SLC29A4: variants seen among roughly 807,000 people sequenced by gnomAD.
SLC29A4 encodes the protein solute carrier family 29 member 4.
SLC29A4 carries 36 observed loss-of-function variants against 43.9 expected under a neutral mutation model. The observed-to-expected ratio is 0.82, with a 90% CI of 0.63 to 1.08. The LOEUF (loss-of-function observed/expected upper bound fraction) is 1.08. SLC29A4 is among the 50% of genes least tolerant of loss of function. The pLI, the probability that SLC29A4 is intolerant of heterozygous loss-of-function variation, is 0.00. For synonymous variants in SLC29A4, 491 were observed against 338.0 expected, an observed-to-expected ratio of 1.45 and a Z score of -4.97; for missense variants, 869 against 755.3, an observed-to-expected ratio of 1.15 and a Z score of -1.77.
intron 1 of SLC29A4, among the ~76,000 whole-genome samples, chr7:5,286,160 T>C (rs1203249317): frequency 1.3e-5 from 2 of 152,180 alleles, no homozygotes; most frequent in South Asian, 4.1e-4. Flanking sequence ...CTGTCCTCTC[T>C]GTTAGCCTCA....
intron 1 of SLC29A4, among the ~76,000 whole-genome samples, chr7:5,285,268 C>T (rs138793960): frequency 0.014 from 2,119 of 152,152 alleles, 24 homozygotes; most frequent in South Asian, 0.026. Context: ...CCACCCCACC[C>T]CACCCCCAAC....
intron 2 of SLC29A4, 94 bp from the exon 3 acceptor site, chr7:5,290,638 G>A (rs1785243110): frequency 2.0e-6 from 3 of 1,497,394 alleles, no homozygotes; most frequent in East Asian, 2.3e-5. Context: ...CAGTGGCTAT[G>A]GTGATGGCGG....
Position 5,303,141 on chromosome 7 carries a change from G to C in SLC29A4, c.*202G>C. 3.1e-6 allele frequency: 2 copies of C among 637,994 alleles called. No homozygotes were observed. Among genetic ancestry groups the C allele is most frequent in the Non-Finnish European group, 5.4e-6 (2 of 372,846 alleles). 39.5% of individuals were successfully genotyped at this position (637,994 alleles called of 1,614,324 possible). A position where few individuals can be genotyped will look rare whatever the true frequency, so the allele number is the denominator to read the frequency against. On this transcript the variant is annotated 3_prime_UTR_variant, in exon 11 of 11. Coordinates refer to ENST00000396872, the MANE Select transcript of SLC29A4 (RefSeq NM_153247.4). ...CCTCCGAGGACCGGAACACGTTTCT[G>C]CGACCCGGGGCTCTGGCCAGCACTG... is the stretch of plus-strand genomic sequence containing the variant.
chr7:5,290,710 C>G, intron 2 of SLC29A4, 22 bp from the exon 3 acceptor site: 1 of 1,597,764 alleles, frequency 6.3e-7, no homozygotes, highest in South Asian at 1.1e-5. Context: ...TGCCCCGTCT[C>G]ACCTGGTGTC....
chr7:5,294,011 C>T (rs1374600814), intron 5 of SLC29A4, among the ~76,000 whole-genome samples: 1 of 151,748 alleles, frequency 6.6e-6, no homozygotes, highest in Non-Finnish European at 1.5e-5. Flanking sequence ...GAGGCTGAGG[C>T]AGGAGAATCA....
At chr7:5,284,474 C>T (rs2128085593) in intron 1 of SLC29A4, among the ~76,000 whole-genome samples, 1 of 152,360 alleles carries the variant, frequency 6.6e-6, no homozygotes, top group Middle Eastern at 3.4e-3. Flanking sequence ...TGTGTCTTCT[C>T]AAGGGCCCCC....
In SLC29A4 at chr7:5,297,101, C is replaced by T. The variant is rs529765291; in HGVS notation, c.785C>T (p.Thr262Ile). The T allele has an allele frequency of 3.1e-6, 5 of 1,607,556 alleles. No homozygotes were observed. The highest frequency in any genetic ancestry group is 2.2e-5 in the East Asian group (1 of 44,886). ...CGCAGCCGCTTCGTGCTCTTCTATACCACACGGCCGCGTGACAGCCACCGG... is the reference window on the plus strand; with the variant it reads ...CGCAGCCGCTTCGTGCTCTTCTATATCACACGGCCGCGTGACAGCCACCGG... Reference protein sequence around the residue: ...VRRSRFVLFYTTRPRDSHRGR... With the variant: ...VRRSRFVLFYITRPRDSHRGR... Residue 262 changes from threonine (T) to isoleucine (I), a missense_variant, in exon 7 of 11, where the codon ACC (threonine) becomes ATC (isoleucine). Coordinates refer to ENST00000396872, the MANE Select transcript of SLC29A4 (RefSeq NM_153247.4).
chr7:5,293,999 G>A lies in SLC29A4; in HGVS notation c.545-861G>A, dbSNP rs192460576. On this transcript the variant is annotated intron_variant, in intron 5 of 10. Coordinates refer to ENST00000396872, the MANE Select transcript of SLC29A4 (RefSeq NM_153247.4). Reference sequence around the variant, plus strand: ...TGTGTGCCTGTAATCCCAGTTACTCGGGAGGCTGAGGCAGGAGAATCATGT... The same window carrying A: ...TGTGTGCCTGTAATCCCAGTTACTCAGGAGGCTGAGGCAGGAGAATCATGT... Among the ~76,000 whole-genome samples the A allele has an allele frequency of 9.3e-4, 141 of 152,092 alleles. 1 individual carries two copies. The highest frequency in any genetic ancestry group is 3.4e-3 in the Middle Eastern group (1 of 294).
chr7:5,297,445 C>T (rs1291093371), intron 7 of SLC29A4, among the ~76,000 whole-genome samples: 1 of 152,240 alleles, frequency 6.6e-6, no homozygotes, highest in East Asian at 1.9e-4. Flanking sequence ...CGGGGATCTG[C>T]CCAGCTGCTG....
chr7:5,300,723 G>A (rs1262716337), intron 10 of SLC29A4, 61 bp downstream of exon 10: 47 of 1,576,648 alleles, frequency 3.0e-5, no homozygotes, highest in Non-Finnish European at 3.5e-5. Context: ...CCCCCCTCGC[G>A]AGGAAACCCA....
chr7:5,290,759 G>C lies in SLC29A4; in HGVS notation c.197G>C (p.Arg66Pro), dbSNP rs145629026. 2 of 1,613,318 alleles carry C rather than the reference G, an allele frequency of 1.2e-6. No homozygotes were observed. The highest frequency in any genetic ancestry group is 2.7e-5 in the African/African-American group (2 of 74,906). ...TTLDEPVPDDRYHAIYFAMLL... is the reference protein window; with the variant it reads ...TTLDEPVPDDPYHAIYFAMLL... ...TTGGACGAGCCAGTGCCCGATGACC[G>C]TTATCACGCCATCTACTTTGCGATG... is the stretch of plus-strand genomic sequence containing the variant. The change falls in exon 3 of 11, where the codon CGT becomes CCT. Residue 66 changes from arginine (R) to proline (P), a missense_variant. Physicochemically the swap from Arg to Pro is moderately radical, Grantham distance 103. Coordinates refer to ENST00000396872, the MANE Select transcript of SLC29A4 (RefSeq NM_153247.4).
Position 5,305,606 on chromosome 7 carries a change from G to C in SLC29A4, c.*2667G>C, listed in dbSNP as rs1786446589. Reference sequence around the variant, plus strand: ...GAGTTTCGCTTTTGTTGCCCAGGCTGGAGTGCAATGGCTCGATTTCAGCTC... The same window carrying C: ...GAGTTTCGCTTTTGTTGCCCAGGCTCGAGTGCAATGGCTCGATTTCAGCTC... On this transcript the variant is annotated 3_prime_UTR_variant, in exon 11 of 11. Transcript: ENST00000396872. 7.3e-6 allele frequency: 1 copy of C among 137,916 alleles called. No homozygotes were observed. The highest frequency in any genetic ancestry group is 2.7e-5 in the African/African-American group (1 of 37,382). The allele number at this position is 137,916 out of a possible 1,614,324, so 8.5% of individuals were successfully genotyped here.
rs1286897741 is a variant in SLC29A4, at chr7:5,300,411, G to C, written c.1210-11G>C. ...CCGGGACAGGGCGCCCACTTGCCTG[G>C]CTCTCTGCAGATCCTGGCAGCCCTG... On this transcript the variant is annotated splice_polypyrimidine_tract_variant and intron_variant, in intron 9 of 10. Transcript: ENST00000396872. 9.3e-6 allele frequency: 15 copies of C among 1,610,754 alleles called. No individual in the cohort carries two copies. The highest frequency in any genetic ancestry group is 1.3e-5 in the Non-Finnish European group (15 of 1,179,654).
At chr7:5,284,635 G>A (rs1196854846) in intron 1 of SLC29A4, among the ~76,000 whole-genome samples, 3 of 152,154 alleles carry the variant, frequency 2.0e-5, no homozygotes. Context: ...TCCCTGGGGC[G>A]CAGTAGGCTT....
Position 5,291,781 on chromosome 7 carries a change from C to T in SLC29A4, c.504C>T (p.Ile168=). The T allele has an allele frequency of 6.2e-7, 1 of 1,611,996 alleles. No individual in the cohort carries two copies. Among genetic ancestry groups the T allele is most frequent in the Non-Finnish European group, 8.5e-7 (1 of 1,179,812 alleles). Residue 168 remains isoleucine (I), a synonymous_variant, in exon 5 of 11, where the codon ATC becomes ATT. Transcript: ENST00000396872. ...TCTCTCGGGACCAGGCCTACGCCATCAACCTGGCCGCTGTGGGCACCGTGG... is the reference window on the plus strand; with the variant it reads ...TCTCTCGGGACCAGGCCTACGCCATTAACCTGGCCGCTGTGGGCACCGTGG... ...QLFSRDQAYA[I]NLAAVGTVAF... is the part of the protein sequence containing the mutation.
chr7:5,296,674 G>C (rs1430467761), intron 6 of SLC29A4, among the ~76,000 whole-genome samples: 1 of 146,730 alleles, frequency 6.8e-6, no homozygotes, highest in African/African-American at 2.5e-5. Context: ...ACTCATTGTA[G>C]GAATTGCTGG....
rs2128092522 is a variant in SLC29A4, at chr7:5,300,578, A to T, written c.1366A>T (p.Met456Leu). The T allele has an allele frequency of 1.9e-6, 3 of 1,612,210 alleles. No homozygotes were observed. The East Asian group carries it at 6.7e-5, about 36-fold the overall frequency. Residue 456 changes from methionine to leucine, a missense_variant, in exon 10 of 11, where the codon ATG becomes TTG. Coordinates refer to ENST00000396872, the MANE Select transcript of SLC29A4 (RefSeq NM_153247.4). The stretch of plus-strand genomic sequence containing the variant: ...CTGGCCCTGCATCTTCTCACTGCTC[A>T]TGGGCATCAGCAACGGCTACTTCGG... ...PAWPCIFSLLMGISNGYFGSV... is the reference protein window; with the variant it reads ...PAWPCIFSLLLGISNGYFGSV...
intron 1 of SLC29A4, 28 bp from the exon 2 acceptor site, chr7:5,287,781 C>G (rs1315939874): frequency 6.2e-7 from 1 of 1,603,834 alleles, no homozygotes; most frequent in African/African-American, 1.3e-5. Flanking sequence ...TCTTCCCTCA[C>G]CTGCTCTCTC....
rs553323723 is a variant in SLC29A4, at chr7:5,293,357, A to C, written c.545-1503A>C. On this transcript the variant is annotated intron_variant, in intron 5 of 10. Transcript: ENST00000396872. ...TGGCTAATTTGTGTATTTTTAGTAGAGATGGGGTTTCACCATATTGGCCAG... is the reference window on the plus strand; with the variant it reads ...TGGCTAATTTGTGTATTTTTAGTAGCGATGGGGTTTCACCATATTGGCCAG... Among the ~76,000 whole-genome samples the C allele has an allele frequency of 5.7e-4, 87 of 151,578 alleles. 1 individual carries two copies. In the South Asian group the frequency reaches 9.4e-3, roughly 16 times the overall value.
Sources: gnomAD v4.1 joint callset for allele counts (sites outside exome capture counted in the v4.1 genomes callset) on GRCh38, gnomAD v4.1.1 for gene constraint, MANE v1.5 for transcripts, NCBI Gene and HGNC (gene_info 2026-07-23, HGNC 2026-07-21) for gene names.